KIAA1671: variants seen among roughly 807,000 people sequenced by gnomAD.
The protein encoded by KIAA1671 is KIAA1671.
Under a neutral mutation model 131.2 loss-of-function variants are expected in KIAA1671, and 52 were observed. That is an observed-to-expected ratio of 0.40 (90% CI 0.32 to 0.50). The LOEUF is 0.50. KIAA1671 is among the 20% of genes least tolerant of loss of function. KIAA1671 has a pLI of 0.73. For synonymous variants in KIAA1671, 1,003 were observed against 961.6 expected, an observed-to-expected ratio of 1.04 and a Z score of -0.80; for missense variants, 2,360 against 2,364.2, an observed-to-expected ratio of 1.00 and a Z score of 0.04.
At chr22:25,112,356 A>G (rs1170246547) in intron 6 of KIAA1671, 1 of 398,786 alleles carries the variant, frequency 2.5e-6, no homozygotes, top group Non-Finnish European at 4.4e-6. Context: ...TCCTTCCGAC[A>G]CCTGGCTTCC....
At chr22:25,080,722 A>G (rs571927055) in intron 6 of KIAA1671, among the ~76,000 whole-genome samples, 2 of 151,150 alleles carry the variant, frequency 1.3e-5, no homozygotes, top group South Asian at 4.2e-4. Context: ...CCAATTTCAG[A>G]CTCTTTGTCT....
intron 6 of KIAA1671, among the ~76,000 whole-genome samples, chr22:25,106,081 A>G (rs1930993245): frequency 6.6e-6 from 1 of 152,234 alleles, no homozygotes; most frequent in African/African-American, 2.4e-5. Context: ...CCCTAGAAGC[A>G]GAGACTGACA....
intron 1 of KIAA1671, chr22:25,012,009 A>G (rs1925067692): frequency 6.6e-6 from 1 of 152,130 alleles, no homozygotes; most frequent in Non-Finnish European, 1.5e-5. Context: ...AAGTTCTTAA[A>G]TATTTTTTAA....
At chr22:25,002,622 C>T (rs1046998144) in intron 1 of KIAA1671, among the ~76,000 whole-genome samples, 29 of 152,182 alleles carry the variant, frequency 1.9e-4, no homozygotes, top group African/African-American at 7.0e-4. Context: ...GTGAAAACTG[C>T]AGATGTTCTT....
At chr22:25,029,630 A>C (rs1926163696) in intron 3 of KIAA1671, 90 bp downstream of exon 3, 2 of 906,568 alleles carry the variant, frequency 2.2e-6, no homozygotes. Flanking sequence ...GGCACTTGTC[A>C]CCCCCCCTCA....
At chr22:25,069,289 A>C (rs5996830) in intron 6 of KIAA1671, among the ~76,000 whole-genome samples, 29,846 of 152,198 alleles carry the variant, frequency 0.2, 4,105 homozygotes, top group African/African-American at 0.39. Flanking sequence ...ATTTTACAGA[A>C]GGGGTAACTG....
intron 6 of KIAA1671, among the ~76,000 whole-genome samples, chr22:25,079,851 G>A (rs1485552431): frequency 1.3e-5 from 2 of 152,144 alleles, no homozygotes; most frequent in Non-Finnish European, 2.9e-5. Context: ...TGGCCTTTGA[G>A]TAGGTCCCTC....
rs112504871 is a variant in KIAA1671 at position 25,174,060 on chromosome 22, C to T, written c.4650-180C>T. 8.9e-3 allele frequency among the ~76,000 whole-genome samples: 1,348 copies of T among 152,286 alleles called. 23 individuals carry two copies. Among genetic ancestry groups the T allele is most frequent in the African/African-American group, 0.03 (1,256 of 41,538 alleles). Reference sequence around the variant, plus strand: ...GTTCCAGGCAGTGCCTTAGACAGCACCTCGCTGGCACATCTTGTGCTGTTT... The same window carrying T: ...GTTCCAGGCAGTGCCTTAGACAGCATCTCGCTGGCACATCTTGTGCTGTTT... On this transcript the variant is annotated intron_variant, in intron 7 of 12. Coordinates refer to ENST00000358431, the MANE Select transcript of KIAA1671 (RefSeq NM_001145206.2).
intron 1 of KIAA1671, among the ~76,000 whole-genome samples, chr22:24,987,148 A>G (rs1261253201): frequency 1.3e-5 from 2 of 150,916 alleles, no homozygotes; most frequent in Non-Finnish European, 3.0e-5. Flanking sequence ...TTTTTTTCCA[A>G]TGATTTATTT....
chr22:25,184,602 A>T (rs1601392724), intron 10 of KIAA1671, among the ~76,000 whole-genome samples: 2 of 152,264 alleles, frequency 1.3e-5, no homozygotes, highest in East Asian at 3.9e-4. Context: ...CATTTTATTT[A>T]CATGGCTCCA....
chr22:25,122,288 C>T (rs1459812377), intron 6 of KIAA1671, among the ~76,000 whole-genome samples: 1 of 152,034 alleles, frequency 6.6e-6, no homozygotes, highest in African/African-American at 2.4e-5. Flanking sequence ...GTCGGTTTAC[C>T]ATTGATTGCC....
intron 6 of KIAA1671, chr22:25,102,369 A>AT (rs1930731407): frequency 6.7e-6 from 1 of 150,316 alleles, no homozygotes; most frequent in Non-Finnish European, 1.5e-5. Flanking sequence ...GGGTCCTGTG[A>AT]TTCATTTGAA....
intron 4 of KIAA1671, among the ~76,000 whole-genome samples, chr22:25,037,852 T>C (rs1392867083): frequency 1.3e-5 from 2 of 152,136 alleles, no homozygotes; most frequent in Non-Finnish European, 2.9e-5. Flanking sequence ...TATTTATTTA[T>C]TTTTTTAGAC....
In KIAA1671 at chr22:25,029,207, C is replaced by A; in HGVS notation, c.1208C>A (p.Pro403His). 2.1e-6 allele frequency: 3 copies of A among 1,459,374 alleles called. No homozygotes were observed. In the East Asian group the frequency reaches 7.5e-5, roughly 36 times the overall value. The allele number at this position is 1,459,374 out of a possible 1,614,324, so 90.4% of individuals were successfully genotyped here. Residue 403 changes from proline (P) to histidine (H), a missense_variant, in exon 3 of 13, where the codon CCC (proline) becomes CAC (histidine). Pro to His is a moderately conservative substitution (Grantham distance 77, BLOSUM62 -2). Transcript: ENST00000358431. Reference protein sequence around the residue: ...DPEPEKAAESPSPRLGRGLEL... With the variant: ...DPEPEKAAESHSPRLGRGLEL... ...GAGCCAGAGAAGGCTGCTGAGTCCC[C>A]CTCACCCAGGCTGGGAAGGGGCCTA...
chr22:24,999,791 G>C (rs1185361200), intron 1 of KIAA1671, among the ~76,000 whole-genome samples: 26 of 137,622 alleles, frequency 1.9e-4, no homozygotes, highest in East Asian at 6.6e-4. Flanking sequence ...TCAAACTTCT[G>C]GGCTCAAGCG....
intron 1 of KIAA1671, among the ~76,000 whole-genome samples, chr22:25,019,709 T>TC (rs923165800): frequency 3.3e-5 from 5 of 151,736 alleles, no homozygotes; most frequent in East Asian, 1.9e-4. Context: ...CCCTTCTGCT[T>TC]CCCCTACCAA....
intron 7 of KIAA1671, among the ~76,000 whole-genome samples, chr22:25,173,693 A>G (rs531887616): frequency 6.6e-6 from 1 of 152,382 alleles, no homozygotes; most frequent in South Asian, 2.1e-4. Flanking sequence ...TGGTAGCTAC[A>G]CCAAAAGAAT....
At chr22:25,165,020 T>TGC (rs1933599480) in intron 6 of KIAA1671, among the ~76,000 whole-genome samples, 1 of 143,288 alleles carries the variant, frequency 7.0e-6, no homozygotes, top group Non-Finnish European at 1.5e-5. Context: ...TGTGTGTGTG[T>TGC]GTCTGTGGTT....
intron 6 of KIAA1671, among the ~76,000 whole-genome samples, chr22:25,091,660 G>A (rs138656978): frequency 3.3e-5 from 5 of 152,264 alleles, no homozygotes; most frequent in Non-Finnish European, 5.9e-5. Context: ...CCATGGCTAC[G>A]GGTAATACAG....
Sources: gnomAD v4.1 joint callset for allele counts (sites outside exome capture counted in the v4.1 genomes callset) on GRCh38, gnomAD v4.1.1 for gene constraint, MANE v1.5 for transcripts, NCBI Gene and HGNC (gene_info 2026-07-23, HGNC 2026-07-21) for gene names.